Variants in GAS6 observed in about 807,000 individuals in gnomAD.
The protein encoded by GAS6 is growth arrest specific 6, also known as growth arrest-specific protein 6.
A neutral mutation model predicts 75.8 loss-of-function variants in GAS6; 41 were observed. That is an observed-to-expected ratio of 0.54 (90% CI 0.42 to 0.70). The LOEUF is 0.70. Ranked by LOEUF, GAS6 falls within the 30% of genes least tolerant of loss-of-function variation. The probability of loss-of-function intolerance (pLI) is 0.00; values close to 1 mark genes in which losing one functional copy is unlikely to be tolerated. For missense variants in GAS6, 854 were observed against 940.2 expected (o/e 0.91, Z 1.20); for synonymous variants, 432 against 412.6 (o/e 1.05, Z -0.57).
intron 11 of GAS6, 35 bp from the exon 12 acceptor site, chr13:113,827,199 G>A (rs1306855671): frequency 1.2e-6 from 2 of 1,603,824 alleles, no homozygotes; most frequent in East Asian, 2.2e-5. Flanking sequence ...GGCTTCCTGG[G>A]AGCGAGAAGC....
chr13:113,840,191 A>C, intron 4 of GAS6: 2 of 272,230 alleles, frequency 7.3e-6, no homozygotes, highest in Non-Finnish European at 1.4e-5. Flanking sequence ...GGCACACAGA[A>C]CCCCCAGCTG....
intron 11 of GAS6, among the ~76,000 whole-genome samples, chr13:113,828,277 ATAATT>A (rs1158802244): frequency 6.6e-6 from 1 of 152,130 alleles, no homozygotes; most frequent in African/African-American, 2.4e-5. Flanking sequence ...AAAAATAATA[ATAATT>A]TAATTGTGTC....
intron 2 of GAS6, among the ~76,000 whole-genome samples, chr13:113,854,271 G>C (rs929152694): frequency 1.3e-5 from 2 of 152,252 alleles, no homozygotes; most frequent in African/African-American, 4.8e-5. Context: ...CACCGACGTG[G>C]TGCCTGACCC....
rs184491922 is a variant in GAS6, at chr13:113,858,628, C to T, written c.255+4947G>A. Among the ~76,000 whole-genome samples, 291 of 116,896 alleles carry T rather than the reference C, an allele frequency of 2.5e-3. 7 individuals are homozygous for T. The highest frequency in any genetic ancestry group is 0.015 in the Middle Eastern group (3 of 194). 76.7% of individuals were successfully genotyped at this position (116,896 alleles called of 152,430 possible). ...ACATGTCTGTGTGTGCCTATGTATG[C>T]ATGTCTGTGTGTTTGTGACTGTATG... On this transcript the variant is annotated intron_variant, in intron 2 of 14. Transcript: ENST00000327773.
intron 3 of GAS6, chr13:113,847,143 C>T: frequency 3.0e-6 from 1 of 328,104 alleles, no homozygotes; most frequent in South Asian, 2.3e-5. Context: ...CGACCTGGCC[C>T]TTCAGTGGGT....
chr13:113,860,089 T>C (rs1188256501), intron 2 of GAS6, among the ~76,000 whole-genome samples: 1 of 152,174 alleles, frequency 6.6e-6, no homozygotes, highest in Non-Finnish European at 1.5e-5. Flanking sequence ...CAACATCCCA[T>C]GCGGAGAATT....
At chr13:113,822,543 A>G (rs371414944) in intron 13 of GAS6, 3 of 212,148 alleles carry the variant, frequency 1.4e-5, no homozygotes, top group East Asian at 2.1e-4. Flanking sequence ...CCCAGGACCC[A>G]GCCCTGCGGT....
chr13:113,822,529 GGGACCCA>G (rs1005593614), intron 13 of GAS6: 4 of 228,644 alleles, frequency 1.7e-5, no homozygotes, highest in African/African-American at 9.3e-5. Flanking sequence ...GGCCCTGATG[GGGACCCA>G]GGACCCAGCC....
At chr13:113,828,327 A>C (rs2051580720) in intron 11 of GAS6, among the ~76,000 whole-genome samples, 1 of 152,216 alleles carries the variant, frequency 6.6e-6, no homozygotes. Context: ...CTTTATTATC[A>C]ATTCAGATGA....
rs1272995660 is a variant in GAS6, at chr13:113,863,552, C to T, written c.255+23G>A. The T allele has an allele frequency of 6.7e-7, 1 of 1,498,502 alleles. No individual in the cohort carries two copies. Among genetic ancestry groups the T allele is most frequent in the South Asian group, 1.2e-5 (1 of 80,860 alleles). The allele number at this position is 1,498,502 out of a possible 1,614,324, so 92.8% of individuals were successfully genotyped here. On this transcript the variant is annotated intron_variant, in intron 2 of 14. Coordinates refer to ENST00000327773, the MANE Select transcript of GAS6 (RefSeq NM_000820.4). This position sits in a 1 kb window ranked among gnomAD's most constrained non-coding sequence, Gnocchi z 9.4. ...CGCGCGGGCGCCAGGGGTTCCCCCGCATCCCGCCCGCCGGCTGCTCACCGT... is the reference window on the plus strand; with the variant it reads ...CGCGCGGGCGCCAGGGGTTCCCCCGTATCCCGCCCGCCGGCTGCTCACCGT...
chr13:113,836,913 G>GTGGGGAGGAAGAGGAAGA (rs1397536160), intron 6 of GAS6, among the ~76,000 whole-genome samples: 2 of 121,414 alleles, frequency 1.6e-5, no homozygotes, highest in South Asian at 6.5e-4. Flanking sequence ...AGGGGGAATG[G>GTGGGGAGGAAGAGGAAGA]TGGGGAGGAA....
intron 8 of GAS6, chr13:113,833,103 T>G: frequency 8.5e-7 from 1 of 1,182,912 alleles, no homozygotes; most frequent in Non-Finnish European, 1.1e-6. Flanking sequence ...TAGATATGGA[T>G]GCCTTGAAGA....
Position 113,832,758 on chromosome 13 carries a change from A to T in GAS6, c.835-6T>A, listed in dbSNP as rs2051645493. 1.9e-6 allele frequency: 3 copies of T among 1,612,598 alleles called. No homozygotes were observed. The highest frequency in any genetic ancestry group is 1.7e-6 in the Non-Finnish European group (2 of 1,179,888). Reference sequence around the variant, plus strand: ...GGCACGCACGGCAAGATGTCCTGCCACGGACGGGGGCCACGCCGGTCGGGG... The same window carrying T: ...GGCACGCACGGCAAGATGTCCTGCCTCGGACGGGGGCCACGCCGGTCGGGG... On this transcript the variant is annotated splice_polypyrimidine_tract_variant and splice_region_variant and intron_variant, in intron 8 of 14. Coordinates refer to ENST00000327773, the MANE Select transcript of GAS6 (RefSeq NM_000820.4).
chr13:113,858,395 G>A (rs1424506120), intron 2 of GAS6, among the ~76,000 whole-genome samples: 1 of 151,292 alleles, frequency 6.6e-6, no homozygotes, highest in African/African-American at 2.5e-5. Context: ...GTCAGTGTGT[G>A]TGACTGTGTG....
intron 2 of GAS6, among the ~76,000 whole-genome samples, chr13:113,858,968 CTG>C (rs1334737829): frequency 4.7e-5 from 7 of 149,432 alleles, no homozygotes; most frequent in East Asian, 2.0e-4. Context: ...GTCTGTGTGA[CTG>C]TATGTCTATA....
rs778408373 is a variant in GAS6 at position 113,820,856 on chromosome 13, G to C, written c.*8C>G. 6.2e-6 allele frequency: 10 copies of C among 1,608,010 alleles called. No individual in the cohort carries two copies. The highest frequency in any genetic ancestry group is 2.0e-4 in the Middle Eastern group (1 of 4,990). ...GAGACTGAGAAGCCTGCCGCGTCCC[G>C]TGGGGGCCTAGGCTGCGGCGGGCTC... On this transcript the variant is annotated 3_prime_UTR_variant, in exon 15 of 15. Transcript: ENST00000327773.
intron 8 of GAS6, chr13:113,833,250 C>T (rs2138632342): frequency 9.5e-7 from 1 of 1,047,982 alleles, no homozygotes; most frequent in South Asian, 3.4e-5. Flanking sequence ...GCCCTGCCCA[C>T]CGTGGGCAGC....
chr13:113,835,393 G>C (rs2051689244), intron 7 of GAS6, 120 bp downstream of exon 7: 1 of 1,212,480 alleles, frequency 8.2e-7, no homozygotes, highest in Non-Finnish European at 1.2e-6. Flanking sequence ...GAAACAGGGA[G>C]AAAGAGACTT....
intron 8 of GAS6, chr13:113,833,105 C>A: frequency 8.5e-7 from 1 of 1,179,868 alleles, no homozygotes; most frequent in South Asian, 1.7e-5. Flanking sequence ...GATATGGATG[C>A]CTTGAAGATG....
Sources: gnomAD v4.1 joint callset for allele counts (sites outside exome capture counted in the v4.1 genomes callset) on GRCh38, gnomAD v4.1.1 for gene constraint, Gnocchi (gnomAD v3.1) non-coding constraint, MANE v1.5 for transcripts, NCBI Gene and HGNC (gene_info 2026-07-23, HGNC 2026-07-21) for gene names.